NRG2: variants seen among roughly 807,000 people sequenced by gnomAD.
The protein encoded by NRG2 is pro-neuregulin-2, membrane-bound isoform.
In NRG2, 27 loss-of-function variants were observed where a neutral mutation model predicts 73.9. The observed-to-expected ratio is 0.37, with a 90% CI of 0.27 to 0.50. The LOEUF is 0.50. NRG2 is among the 20% of genes least tolerant of loss of function. NRG2 has a pLI of 0.96. For missense variants in NRG2, 1,126 were observed against 1,210.1 expected (o/e 0.93, Z 1.03); for synonymous variants, 532 against 541.0 (o/e 0.98, Z 0.23).
At chr5:140,020,915 A>C (rs2126667369) in intron 1 of NRG2, among the ~76,000 whole-genome samples, 1 of 152,320 alleles carries the variant, frequency 6.6e-6, no homozygotes, top group East Asian at 1.9e-4. Flanking sequence ...GAGCCAATGA[A>C]GTAGGACATG....
chr5:139,982,802 T>C (rs1402149088), intron 1 of NRG2, among the ~76,000 whole-genome samples: 2 of 152,204 alleles, frequency 1.3e-5, no homozygotes, highest in Non-Finnish European at 2.9e-5. Flanking sequence ...ATCTTTTGTG[T>C]CGTACTCTTA....
At chr5:139,972,867 TG>T (rs1192239377) in intron 1 of NRG2, among the ~76,000 whole-genome samples, 1 of 151,818 alleles carries the variant, frequency 6.6e-6, no homozygotes, top group African/African-American at 2.4e-5. Flanking sequence ...AACAGAAAAA[TG>T]GGCAAAGACA....
intron 1 of NRG2, among the ~76,000 whole-genome samples, chr5:139,891,271 C>G (rs1325947501): frequency 1.3e-5 from 2 of 152,172 alleles, no homozygotes; most frequent in African/African-American, 2.4e-5. Flanking sequence ...GGATGTGTTG[C>G]ATAGAGACTG....
In NRG2 at chr5:139,895,436, G is replaced by A. The variant is rs997726536; in HGVS notation, c.701-7925C>T. Among the ~76,000 whole-genome samples, 10 of 152,304 alleles carry A rather than the reference G, an allele frequency of 6.6e-5. No homozygotes were observed. The Middle Eastern group carries it at 0.014, about 207-fold the overall frequency. On this transcript the variant is annotated intron_variant, in intron 1 of 9. Coordinates refer to ENST00000361474, the MANE Select transcript of NRG2 (RefSeq NM_004883.3). ...GCAGCAGTTGCTGGGGTAGGCATAG[G>A]GATACCCAGTACAGATGCCTCAGTC...
At chr5:139,973,903 G>A (rs1295741019) in intron 1 of NRG2, among the ~76,000 whole-genome samples, 1 of 152,088 alleles carries the variant, frequency 6.6e-6, no homozygotes, top group Non-Finnish European at 1.5e-5. Context: ...TTTTAAAAGA[G>A]TTTTTCTACA....
intron 1 of NRG2, among the ~76,000 whole-genome samples, chr5:139,951,366 CCAGGG>C (rs1376843859): frequency 1.3e-5 from 2 of 152,132 alleles, no homozygotes; most frequent in African/African-American, 2.4e-5. Context: ...CTCTTCAAGC[CCAGGG>C]CAGTCAAATG....
intron 1 of NRG2, among the ~76,000 whole-genome samples, chr5:139,906,459 T>C (rs909455913): frequency 6.6e-6 from 1 of 152,028 alleles, no homozygotes; most frequent in African/African-American, 2.4e-5. Flanking sequence ...GCCACTTTAC[T>C]TACAAGTCAC....
intron 1 of NRG2, among the ~76,000 whole-genome samples, chr5:139,960,107 A>C (rs1754945247): frequency 6.6e-6 from 1 of 152,224 alleles, no homozygotes; most frequent in African/African-American, 2.4e-5. Flanking sequence ...TAAATGAGGA[A>C]GAAAGGGAAG....
rs775612077 is a variant in NRG2, at chr5:140,042,974, C to G, written c.96G>C (p.Arg32Ser). 5 of 1,538,892 alleles carry G rather than the reference C, an allele frequency of 3.2e-6. No homozygotes were observed. The highest frequency in any genetic ancestry group is 1.4e-5 in the African/African-American group (1 of 73,112). Residue 32 changes from arginine to serine, a missense_variant, in exon 1 of 10, where the codon AGG becomes AGC. Arg to Ser is a moderately radical substitution (Grantham distance 110, BLOSUM62 -1). Around this residue, in one of 3 missense-constraint regions of NRG2, gnomAD observed 185 missense variants for 149.0 expected, o/e 1.24. Coordinates refer to ENST00000361474, the MANE Select transcript of NRG2 (RefSeq NM_004883.3). ...TGCTGCTGCTGCTGCTGCTGCTGCT[C>G]CTCTCGCTGCTGCTGCTGCTGCTGT... The part of the protein sequence containing the change: ...YSDSSSSSSE[R>S]SSSSSSSSSE...
intron 1 of NRG2, among the ~76,000 whole-genome samples, chr5:139,918,094 G>A (rs1056340581): frequency 5.3e-5 from 8 of 152,156 alleles, no homozygotes; most frequent in African/African-American, 4.8e-5. Flanking sequence ...TCTTTTGCGC[G>A]TGGATATTCC....
chr5:139,929,032 C>T (rs1012153088), intron 1 of NRG2, among the ~76,000 whole-genome samples: 4 of 152,198 alleles, frequency 2.6e-5, no homozygotes, highest in African/African-American at 9.7e-5. Context: ...TGAAAGGTCC[C>T]AGACATAGTT....
intron 1 of NRG2, among the ~76,000 whole-genome samples, chr5:139,992,963 T>C (rs548078832): frequency 6.6e-6 from 1 of 152,318 alleles, no homozygotes; most frequent in South Asian, 2.1e-4. Context: ...TTTCGATCTA[T>C]ATAGGTTGTT....
At chr5:140,001,248 G>A (rs957274169) in intron 1 of NRG2, among the ~76,000 whole-genome samples, 2 of 152,168 alleles carry the variant, frequency 1.3e-5, no homozygotes, top group Admixed American at 6.5e-5. Flanking sequence ...AGAAGAAATC[G>A]TGTATGGCAT....
intron 1 of NRG2, among the ~76,000 whole-genome samples, chr5:139,913,137 C>T (rs770086804): frequency 1.3e-5 from 2 of 152,216 alleles, no homozygotes; most frequent in East Asian, 1.9e-4. Flanking sequence ...TGAGCACCTG[C>T]GCCTGGTTAC....
intron 1 of NRG2, among the ~76,000 whole-genome samples, chr5:139,967,392 G>A (rs1476034838): frequency 2.6e-5 from 4 of 152,210 alleles, no homozygotes; most frequent in African/African-American, 9.7e-5. Flanking sequence ...CGTACTGAAG[G>A]ACAAGTGTCC....
intron 2 of NRG2, 138 bp from the exon 3 acceptor site, chr5:139,881,112 C>G (rs1388493217): frequency 4.4e-6 from 3 of 676,502 alleles, no homozygotes; most frequent in Non-Finnish European, 5.2e-6. Flanking sequence ...TTCCCTCCCC[C>G]CAGCAATTTC....
chr5:139,994,947 A>G (rs1757916644), intron 1 of NRG2, among the ~76,000 whole-genome samples: 1 of 152,166 alleles, frequency 6.6e-6, no homozygotes, highest in South Asian at 2.1e-4. Context: ...GGAGGTTGTG[A>G]AGGGAGGTTG....
rs769231072 is a variant in NRG2, at chr5:139,853,020, G to A, written c.1300C>T (p.Arg434Trp). Residue 434 changes from arginine (R) to tryptophan (W), a missense_variant, in exon 7 of 10, where the codon CGG becomes TGG. This residue lies in a region of NRG2 where 539 missense variants were observed against 703.2 expected (regional missense o/e 0.77). Transcript: ENST00000361474. This position sits in a 1 kb window ranked among gnomAD's most constrained non-coding sequence, Gnocchi z 4.1. ...VVAYCKTKKQ[R>W]KQMHNHLRQN... ...CGGAGGTGGTTGTGCATCTGCTTCC[G>A]CTGTTTTCTGCACAAGGGAAGGGAA... 3.7e-6 allele frequency: 6 copies of A among 1,613,402 alleles called. No individual in the cohort carries two copies. Among genetic ancestry groups the A allele is most frequent in the Admixed American group, 3.3e-5 (2 of 59,882 alleles).
chr5:139,851,538 C>G lies in NRG2; in HGVS notation c.1772+66G>C. On this transcript the variant is annotated intron_variant, in intron 9 of 9. Transcript: ENST00000361474. This position sits in a 1 kb window ranked among gnomAD's most constrained non-coding sequence, Gnocchi z 4.2. ...AGTGTTTCTGAGGGGCCCTAAGGGT[C>G]AGCCTTGGGCCAGTGGTGCCAGCCC... 6.8e-7 allele frequency: 1 copy of G among 1,481,080 alleles called. No individual in the cohort carries two copies. The allele number at this position is 1,481,080 out of a possible 1,614,324, so 91.7% of individuals were successfully genotyped here.
Sources: allele counts gnomAD v4.1 joint callset (sites outside exome capture counted in the v4.1 genomes callset), GRCh38; gene constraint gnomAD v4.1.1; regional missense constraint gnomAD v4.1.1; non-coding constraint Gnocchi (gnomAD v3.1); transcripts MANE v1.5; gene names NCBI Gene and HGNC (gene_info 2026-07-23, HGNC 2026-07-21).